CEP295: variants seen among roughly 807,000 people sequenced by gnomAD.
CEP295 encodes the protein centrosomal protein 295, also known as centrosomal protein of 295 kDa.
In CEP295, 190 loss-of-function variants were observed where a neutral mutation model predicts 291.6. That is an observed-to-expected ratio of 0.65 (90% CI 0.58 to 0.73). The LOEUF (loss-of-function observed/expected upper bound fraction) is 0.73. CEP295 is among the 30% of genes least tolerant of loss of function. The pLI is 0.00. For synonymous variants in CEP295, 993 were observed against 1,038.8 expected (o/e 0.96, Z 0.85); for missense variants, 2,863 against 2,949.4 (o/e 0.97, Z 0.68).
rs1253544804 is a variant in CEP295 at position 93,729,665 on chromosome 11, T to TA, written c.7454dup (p.Arg2486GlufsTer19). ...CCAGGGAGCTTACAAGAAGCATTTA[T>TA]AAAGAGGAAAAAATCATTTATGGAG... On this transcript the variant is annotated frameshift_variant, in exon 27 of 30. Coordinates refer to ENST00000325212, the MANE Select transcript of CEP295 (RefSeq NM_033395.2). LOFTEE classifies it high-confidence loss of function. The TA allele has an allele frequency of 6.4e-7, 1 of 1,550,794 alleles. No individual in the cohort carries two copies. Among genetic ancestry groups the TA allele is most frequent in the African/African-American group, 1.4e-5 (1 of 72,958 alleles).
At chr11:93,688,943 G>A (rs1393993942) in intron 10 of CEP295, among the ~76,000 whole-genome samples, 1 of 152,152 alleles carries the variant, frequency 6.6e-6, no homozygotes, top group Non-Finnish European at 1.5e-5. Flanking sequence ...CTGGCAATAT[G>A]TTAATTCCCT....
At chr11:93,684,732 C>T (rs1427576293) in intron 9 of CEP295, among the ~76,000 whole-genome samples, 1 of 152,182 alleles carries the variant, frequency 6.6e-6, no homozygotes, top group African/African-American at 2.4e-5. Flanking sequence ...CCACTGGACT[C>T]TCCCTTATGT....
chr11:93,729,832 C>T, intron 27 of CEP295, 38 bp from the exon 28 acceptor site: 1 of 1,538,024 alleles, frequency 6.5e-7, no homozygotes, highest in Non-Finnish European at 8.8e-7. Context: ...TGTTTAAAGC[C>T]TTGTGTTTAC....
intron 4 of CEP295, 116 bp from the exon 5 acceptor site, chr11:93,669,561 A>T: frequency 1.6e-6 from 1 of 623,824 alleles, no homozygotes; most frequent in Non-Finnish European, 2.8e-6. Flanking sequence ...AAGCTTACTG[A>T]GCCTGTGGAA....
At chr11:93,715,581 C>T (rs1179096426) in intron 18 of CEP295, among the ~76,000 whole-genome samples, 1 of 152,092 alleles carries the variant, frequency 6.6e-6, no homozygotes, top group African/African-American at 2.4e-5. Context: ...GCCATCACAG[C>T]TGTGAATATG....
intron 5 of CEP295, 64 bp downstream of exon 5, chr11:93,669,834 G>A: frequency 2.9e-6 from 3 of 1,050,830 alleles, no homozygotes; most frequent in Non-Finnish European, 1.4e-6. Flanking sequence ...TTCAGTGGAG[G>A]TCAGAATGAC....
intron 10 of CEP295, among the ~76,000 whole-genome samples, chr11:93,690,476 G>A (rs939461016): frequency 1.1e-4 from 17 of 151,210 alleles, no homozygotes; most frequent in African/African-American, 3.4e-4. Context: ...GGAGAATGGC[G>A]TGAACCTGGG....
At chr11:93,708,530 CT>C (rs943109955) in intron 18 of CEP295, among the ~76,000 whole-genome samples, 15 of 151,478 alleles carry the variant, frequency 9.9e-5, no homozygotes, top group Non-Finnish European at 1.8e-4. Context: ...ATACGTGCCA[CT>C]TTTTTTTTAT....
intron 5 of CEP295, among the ~76,000 whole-genome samples, chr11:93,672,783 A>G (rs1280216313): frequency 6.6e-6 from 1 of 152,194 alleles, no homozygotes; most frequent in Non-Finnish European, 1.5e-5. Flanking sequence ...CTGCCAGGCT[A>G]AGGACTGATT....
intron 7 of CEP295, among the ~76,000 whole-genome samples, chr11:93,681,997 T>G (rs939735408): frequency 2.0e-5 from 3 of 152,126 alleles, no homozygotes; most frequent in Non-Finnish European, 4.4e-5. Context: ...TGGTCATTGT[T>G]ATAAATAATC....
chr11:93,730,317 T>C lies in CEP295; in HGVS notation c.*48T>C. On this transcript the variant is annotated 3_prime_UTR_variant, in exon 30 of 30. Transcript: ENST00000325212. Reference sequence around the variant, plus strand: ...TTTTTTAATTGTGTATATGTAGCATTAGACAAAATTATTTAAAGTCAATAA... The same window carrying C: ...TTTTTTAATTGTGTATATGTAGCATCAGACAAAATTATTTAAAGTCAATAA... 1 of 1,255,932 alleles carries C rather than the reference T, an allele frequency of 8.0e-7. No homozygotes were observed. The highest frequency in any genetic ancestry group is 1.3e-5 in the South Asian group (1 of 77,492). The allele number at this position is 1,255,932 out of a possible 1,614,324, so 77.8% of individuals were successfully genotyped here.
Position 93,698,432 on chromosome 11 carries a change from A to G in CEP295, c.3520A>G (p.Arg1174Gly). The G allele has an allele frequency of 6.4e-7, 1 of 1,552,066 alleles. No individual in the cohort carries two copies. The highest frequency in any genetic ancestry group is 8.7e-7 in the Non-Finnish European group (1 of 1,147,052). Residue 1174 changes from arginine to glycine, a missense_variant, in exon 15 of 30, where the codon AGG becomes GGG. Transcript: ENST00000325212. ...TILQEQSQIQRVILGAKEGTQ... is the reference protein window; with the variant it reads ...TILQEQSQIQGVILGAKEGTQ... ...ACTCCAAGAACAGTCACAAATACAAAGGGTAATACTTGGTGCTAAAGAAGG... is the reference window on the plus strand; with the variant it reads ...ACTCCAAGAACAGTCACAAATACAAGGGGTAATACTTGGTGCTAAAGAAGG...
intron 6 of CEP295, 105 bp from the exon 7 acceptor site, chr11:93,679,307 T>C (rs1016187344): frequency 3.2e-6 from 3 of 925,290 alleles, no homozygotes; most frequent in East Asian, 2.7e-5. Flanking sequence ...ACTCTTCTTA[T>C]ATTTTATATA....
intron 24 of CEP295, 159 bp from the exon 25 acceptor site, chr11:93,728,522 A>T (rs1468437039): frequency 3.7e-6 from 2 of 541,838 alleles, no homozygotes; most frequent in African/African-American, 3.9e-5. Flanking sequence ...ATGGAAGCCT[A>T]AGGAAATCTG....
At position 93,729,858 on chromosome 11, in the gene CEP295, T is replaced by C. The variant is rs577331067; in HGVS notation, c.7568-12T>C. 1.3e-6 allele frequency: 2 copies of C among 1,538,420 alleles called. No homozygotes were observed. The highest frequency in any genetic ancestry group is 2.4e-5 in the East Asian group (1 of 40,874). On this transcript the variant is annotated splice_polypyrimidine_tract_variant and intron_variant, in intron 27 of 29. Coordinates refer to ENST00000325212, the MANE Select transcript of CEP295 (RefSeq NM_033395.2). ...TTGTGTTTACAACTTGATTTCACTT[T>C]TCTTTCCTCAGGTTCATCTGTGAGT...
Position 93,679,524 on chromosome 11 carries a change from A to G in CEP295, c.737A>G (p.Gln246Arg). 6.4e-7 allele frequency: 1 copy of G among 1,551,456 alleles called. No homozygotes were observed. The highest frequency in any genetic ancestry group is 1.4e-5 in the African/African-American group (1 of 73,154). The change falls in exon 7 of 30, where the codon CAA becomes CGA. Residue 246 changes from glutamine (Q) to arginine (R), a missense_variant. By Grantham distance (43) the Gln-to-Arg change is conservative. Coordinates refer to ENST00000325212, the MANE Select transcript of CEP295 (RefSeq NM_033395.2). Reference sequence around the variant, plus strand: ...GAAAAGGCACATGTACGGGGATTCCAAGCAATGAAGAAGATCCATTTGGCT... The same window carrying G: ...GAAAAGGCACATGTACGGGGATTCCGAGCAATGAAGAAGATCCATTTGGCT... ...RFEKAHVRGF[Q>R]AMKKIHLAQN...
chr11:93,693,789 C>T (rs1420711378), intron 12 of CEP295, among the ~76,000 whole-genome samples: 1 of 152,264 alleles, frequency 6.6e-6, no homozygotes, highest in South Asian at 2.1e-4. Flanking sequence ...AAAAATTTCT[C>T]ATCAATAGTC....
chr11:93,702,990 G>T, intron 17 of CEP295, 71 bp downstream of exon 17: 9 of 1,261,002 alleles, frequency 7.1e-6, no homozygotes, highest in Non-Finnish European at 8.7e-6. Context: ...TTTAGATGGA[G>T]CCTTGCTCTG....
chr11:93,683,086 G>A (rs1477319789), intron 7 of CEP295, among the ~76,000 whole-genome samples: 1 of 152,178 alleles, frequency 6.6e-6, no homozygotes. Flanking sequence ...ATAAGAGTGT[G>A]AGGTAACAAG....
Sources: gnomAD v4.1 joint callset for allele counts (sites outside exome capture counted in the v4.1 genomes callset) on GRCh38, gnomAD v4.1.1 for gene constraint, MANE v1.5 for transcripts, NCBI Gene and HGNC (gene_info 2026-07-23, HGNC 2026-07-21) for gene names.